Variants in CCDC148 observed in about 807,000 individuals in gnomAD.
CCDC148 encodes the protein coiled-coil domain-containing protein 148.
CCDC148 carries 89 observed loss-of-function variants against 85.7 expected under a neutral mutation model. That is an observed-to-expected ratio of 1.04 (90% CI 0.87 to 1.24). The LOEUF is 1.24. Ranked by LOEUF, CCDC148 falls within the 50% of genes most tolerant of loss-of-function variation. The pLI, the probability that CCDC148 is intolerant of heterozygous loss-of-function variation, is 0.00. For synonymous variants in CCDC148, 230 were observed against 213.9 expected, an observed-to-expected ratio of 1.08 and a Z score of -0.66; for missense variants, 692 against 671.7, an observed-to-expected ratio of 1.03 and a Z score of -0.33.
intron 7 of CCDC148, among the ~76,000 whole-genome samples, chr2:158,326,411 A>C (rs1692778875): frequency 6.6e-6 from 1 of 152,156 alleles, no homozygotes; most frequent in Non-Finnish European, 1.5e-5. Flanking sequence ...ACTGTGTATA[A>C]TATACTTATG....
At chr2:158,237,783 C>A (rs1688173292) in intron 10 of CCDC148, among the ~76,000 whole-genome samples, 1 of 152,100 alleles carries the variant, frequency 6.6e-6, no homozygotes, top group Non-Finnish European at 1.5e-5. Flanking sequence ...AGTACACATA[C>A]TGAGAGGACT....
rs370740234 is a variant in CCDC148 at position 158,298,212 on chromosome 2, C to T, written c.1110+11221G>A. Among the ~76,000 whole-genome samples, 9 of 152,230 alleles carry T rather than the reference C, an allele frequency of 5.9e-5. No individual in the cohort carries two copies. In the South Asian group the frequency reaches 1.7e-3, roughly 28 times the overall value. On this transcript the variant is annotated intron_variant, in intron 9 of 13. Transcript: ENST00000283233. Reference sequence around the variant, plus strand: ...TTCAATTATTTCCACCTGGTCCCTCCCACAACATGTGGGGATTATGGGAAT... The same window carrying T: ...TTCAATTATTTCCACCTGGTCCCTCTCACAACATGTGGGGATTATGGGAAT...
intron 9 of CCDC148, among the ~76,000 whole-genome samples, chr2:158,255,317 A>G (rs574343520): frequency 4.6e-4 from 70 of 151,776 alleles, no homozygotes; most frequent in East Asian, 9.7e-4. Flanking sequence ...GGGGGCGGGT[A>G]AAGGAAAGAA....
intron 1 of CCDC148, among the ~76,000 whole-genome samples, chr2:158,433,087 A>ATATATAT (rs1242018411): frequency 2.5e-4 from 13 of 51,602 alleles, no homozygotes; most frequent in East Asian, 5.8e-4. Flanking sequence ...AAAAAAAAAA[A>ATATATAT]AAAAATATAT....
chr2:158,391,221 T>C (rs1258653749), intron 1 of CCDC148, among the ~76,000 whole-genome samples: 1 of 152,104 alleles, frequency 6.6e-6, no homozygotes, highest in Non-Finnish European at 1.5e-5. Context: ...CCATTTACTA[T>C]TGATGGCTGC....
chr2:158,362,138 T>C (rs904082114), intron 1 of CCDC148, among the ~76,000 whole-genome samples: 1 of 151,974 alleles, frequency 6.6e-6, no homozygotes, highest in South Asian at 2.1e-4. Flanking sequence ...ATCCTAAATA[T>C]ATATGCACCC....
At chr2:158,437,429 G>C (rs534872491) in intron 1 of CCDC148, among the ~76,000 whole-genome samples, 12 of 152,120 alleles carry the variant, frequency 7.9e-5, no homozygotes, top group South Asian at 2.1e-4. Context: ...ATTCAACAGC[G>C]CTTCATGCTG....
intron 13 of CCDC148, among the ~76,000 whole-genome samples, chr2:158,173,769 C>T (rs1034910727): frequency 5.9e-5 from 9 of 152,004 alleles, no homozygotes; most frequent in African/African-American, 2.2e-4. Flanking sequence ...ATGTCTTCTC[C>T]CTGGTCTGCT....
chr2:158,390,957 A>G (rs2105296739), intron 1 of CCDC148, among the ~76,000 whole-genome samples: 1 of 152,276 alleles, frequency 6.6e-6, no homozygotes, highest in East Asian at 1.9e-4. Flanking sequence ...ACTGCCCTAT[A>G]CAATAGCTGT....
At chr2:158,204,182 C>T (rs1419570237) in intron 11 of CCDC148, among the ~76,000 whole-genome samples, 1 of 152,130 alleles carries the variant, frequency 6.6e-6, no homozygotes, top group Non-Finnish European at 1.5e-5. Context: ...GTAGAATTTA[C>T]TGGAGTTTAC....
chr2:158,393,664 C>T (rs551646780), intron 1 of CCDC148, among the ~76,000 whole-genome samples: 2 of 152,088 alleles, frequency 1.3e-5, no homozygotes, highest in African/African-American at 4.8e-5. Flanking sequence ...CCAAGAACAC[C>T]GATGGCTTCA....
chr2:158,381,499 G>A (rs766741343), intron 1 of CCDC148, among the ~76,000 whole-genome samples: 9 of 152,098 alleles, frequency 5.9e-5, no homozygotes, highest in African/African-American at 9.7e-5. Flanking sequence ...CAACCAGAGC[G>A]TTCACACACA....
At chr2:158,450,619 C>T (rs952150526) in intron 1 of CCDC148, among the ~76,000 whole-genome samples, 3 of 152,194 alleles carry the variant, frequency 2.0e-5, no homozygotes, top group East Asian at 1.9e-4. Flanking sequence ...ATTTTGAATA[C>T]GTCCTTTTAC....
rs1213589533 is a variant in CCDC148, at chr2:158,341,036, T to C, written c.252-356A>G. Among the ~76,000 whole-genome samples the C allele has an allele frequency of 3.3e-5, 5 of 151,998 alleles. No homozygotes were observed. In the South Asian group the frequency reaches 8.3e-4, roughly 25 times the overall value. The stretch of plus-strand genomic sequence containing the variant: ...ATAGAGCAGAAGGAGATGTGAGCAA[T>C]AGAGATGGAAGATGAAGAGGAGGGT... On this transcript the variant is annotated intron_variant, in intron 3 of 13. Coordinates refer to ENST00000283233, the MANE Select transcript of CCDC148 (RefSeq NM_138803.4).
At chr2:158,435,875 AAAG>A (rs1294990159) in intron 1 of CCDC148, among the ~76,000 whole-genome samples, 2 of 152,230 alleles carry the variant, frequency 1.3e-5, no homozygotes, top group Non-Finnish European at 2.9e-5. Flanking sequence ...CAAAAGAGAC[AAAG>A]AAGGCCAATA....
At chr2:158,424,576 G>A (rs1235676901) in intron 1 of CCDC148, among the ~76,000 whole-genome samples, 1 of 152,040 alleles carries the variant, frequency 6.6e-6, no homozygotes, top group African/African-American at 2.4e-5. Flanking sequence ...ATGGGGTGGG[G>A]GGAGTGGGGA....
intron 9 of CCDC148, among the ~76,000 whole-genome samples, chr2:158,279,920 C>A (rs7562310): frequency 0.029 from 4,355 of 151,226 alleles, 106 homozygotes; most frequent in Middle Eastern, 0.045. Context: ...AGACTAACAG[C>A]GGATCTCTCG....
In CCDC148 at chr2:158,181,169, T is replaced by C. The variant is rs1045196386; in HGVS notation, c.1371-2173A>G. ...CTCAGAACCTTTGGAAAGTTTCTCTTCCTTTGGGATATATAGGTTGCTTTG... is the reference window on the plus strand; with the variant it reads ...CTCAGAACCTTTGGAAAGTTTCTCTCCCTTTGGGATATATAGGTTGCTTTG... On this transcript the variant is annotated intron_variant, in intron 11 of 13. Transcript: ENST00000283233. Among the ~76,000 whole-genome samples the C allele has an allele frequency of 2.0e-5, 3 of 152,162 alleles. No homozygotes were observed. The East Asian group carries it at 5.8e-4, about 29-fold the overall frequency.
chr2:158,246,528 G>A (rs565780951), intron 10 of CCDC148, among the ~76,000 whole-genome samples: 2 of 152,112 alleles, frequency 1.3e-5, no homozygotes, highest in South Asian at 4.2e-4. Context: ...AATAAACATG[G>A]AACCTAAAGT....
Sources: gnomAD v4.1 joint callset for allele counts (sites outside exome capture counted in the v4.1 genomes callset) on GRCh38, gnomAD v4.1.1 for gene constraint, MANE v1.5 for transcripts, NCBI Gene and HGNC (gene_info 2026-07-23, HGNC 2026-07-21) for gene names.